ZC3H13: variants seen among roughly 807,000 people sequenced by gnomAD.
ZC3H13 encodes zinc finger CCCH domain-containing protein 13.
A neutral mutation model predicts 204.1 loss-of-function variants in ZC3H13; 64 were observed. The ratio of observed to expected loss-of-function variants is 0.31; its 90% confidence interval spans 0.26 to 0.39. The LOEUF is 0.39. Ranked by LOEUF, ZC3H13 falls within the 10% of genes least tolerant of loss-of-function variation. The pLI, the probability that ZC3H13 is intolerant of heterozygous loss-of-function variation, is 1.00. For missense variants in ZC3H13, 1,833 were observed against 2,082.7 expected (o/e 0.88, Z 2.33); for synonymous variants, 667 against 693.7 (o/e 0.96, Z 0.60).
rs777308536 is a variant in ZC3H13, at chr13:45,985,362, C to T, written c.1655G>A (p.Arg552Gln). The T allele has an allele frequency of 3.1e-6, 5 of 1,614,182 alleles. No homozygotes were observed. The highest frequency in any genetic ancestry group is 2.2e-5 in the East Asian group (1 of 44,886). The change falls in exon 10 of 19, where the codon CGA becomes CAA. Residue 552 changes from arginine (R) to glutamine (Q), a missense_variant. Transcript: ENST00000679008. Reference protein sequence around the residue: ...EIRNESRNESRSEIRNDRMGR... With the variant: ...EIRNESRNESQSEIRNDRMGR... ...CATTCGGTCATTTCTAATTTCACTT[C>T]GAGACTCATTTCTGGACTCATTCCT...
chr13:46,001,318 A>T (rs1353775780), intron 8 of ZC3H13: 1 of 152,108 alleles, frequency 6.6e-6, no homozygotes, highest in African/African-American at 2.4e-5. Context: ...TAACAGCCCC[A>T]CCTAAGAACC....
intron 12 of ZC3H13, 44 bp from the exon 13 acceptor site, chr13:45,970,509 A>G: frequency 6.4e-7 from 1 of 1,559,402 alleles, no homozygotes; most frequent in Non-Finnish European, 8.7e-7. Flanking sequence ...TCTAGGGGGC[A>G]AAAAAAGAGA....
At chr13:46,015,283 C>T (rs1243410386) in intron 5 of ZC3H13, among the ~76,000 whole-genome samples, 1 of 152,110 alleles carries the variant, frequency 6.6e-6, no homozygotes, top group East Asian at 1.9e-4. Flanking sequence ...TCTATTTCTC[C>T]TGTGAGTTAC....
Position 45,968,811 on chromosome 13 carries a change from C to T in ZC3H13, c.3733G>A (p.Gly1245Arg). The T allele has an allele frequency of 1.2e-6, 2 of 1,613,720 alleles. No homozygotes were observed. The highest frequency in any genetic ancestry group is 2.2e-5 in the East Asian group (1 of 44,876). Residue 1245 changes from glycine to arginine, a missense_variant, in exon 14 of 19, where the codon GGA (glycine) becomes AGA (arginine). Physicochemically the swap from Gly to Arg is moderately radical, Grantham distance 125. Transcript: ENST00000679008. ...TGATCAATCCTAGATTTTCTCTCTC[C>T]TGTGATTTCCAGGCTTTTTGTTTTT... ...REKTKSLEIT[G>R]ERKSRIDQLK...
intron 4 of ZC3H13, among the ~76,000 whole-genome samples, chr13:46,034,948 T>C (rs893485456): frequency 2.0e-5 from 3 of 152,150 alleles, no homozygotes; most frequent in Admixed American, 6.5e-5. Flanking sequence ...CGCATATATT[T>C]ATTTGCTCTG....
At chr13:46,050,225 G>A (rs577974473) in intron 1 of ZC3H13, among the ~76,000 whole-genome samples, 3 of 151,944 alleles carry the variant, frequency 2.0e-5, no homozygotes, top group African/African-American at 4.8e-5. Context: ...CCCTTGCCCC[G>A]AGAAACTTAG....
intron 5 of ZC3H13, 87 bp downstream of exon 5, chr13:46,020,353 GAGGGATCAC>G: frequency 1.2e-6 from 1 of 863,510 alleles, no homozygotes; most frequent in South Asian, 1.5e-5. Flanking sequence ...TCTGAAACGA[GAGGGATCAC>G]AGTCGAAAGG....
chr13:45,967,564 G>A lies in ZC3H13; in HGVS notation c.4261C>T (p.Leu1421=). The A allele has an allele frequency of 2.5e-6, 4 of 1,609,422 alleles. No individual in the cohort carries two copies. The highest frequency in any genetic ancestry group is 3.4e-6 in the Non-Finnish European group (4 of 1,178,010). The part of the protein sequence containing the change: ...ALDKERMDKD[L]GSVQGFEETN... ...TCTTCAAATCCCTGCACAGATCCCA[G>A]ATCTTTATCCATTCTCTCTTTATCC... Residue 1421 remains leucine, a synonymous_variant, in exon 15 of 19, where the codon CTG becomes TTG. Coordinates refer to ENST00000679008, the MANE Select transcript of ZC3H13 (RefSeq NM_001330564.2).
Position 45,991,677 on chromosome 13 carries a change from A to G in ZC3H13, c.945-2580T>C, listed in dbSNP as rs1429941888. Reference sequence around the variant, plus strand: ...AGTGAAACTTGAAATTCAAATAAAGAAAAAAGGAAAGTTTATTTAATGAAG... The same window carrying G: ...AGTGAAACTTGAAATTCAAATAAAGGAAAAAGGAAAGTTTATTTAATGAAG... On this transcript the variant is annotated intron_variant, in intron 8 of 18. Transcript: ENST00000679008. Among the ~76,000 whole-genome samples, 6 of 152,210 alleles carry G rather than the reference A, an allele frequency of 3.9e-5. 1 individual carries two copies.
intron 8 of ZC3H13, among the ~76,000 whole-genome samples, chr13:45,999,177 G>A (rs973860338): frequency 1.3e-5 from 2 of 152,238 alleles, no homozygotes; most frequent in African/African-American, 2.4e-5. Context: ...GATGGGAGGC[G>A]GAGGCTACAA....
intron 4 of ZC3H13, among the ~76,000 whole-genome samples, chr13:46,031,231 A>AAAAT (rs1186046664): frequency 3.3e-5 from 5 of 152,102 alleles, no homozygotes; most frequent in African/African-American, 7.2e-5. Context: ...AAATGCAAAA[A>AAAAT]AAATAAATAA....
chr13:45,975,214 G>A, intron 12 of ZC3H13, 69 bp downstream of exon 12: 1 of 1,537,276 alleles, frequency 6.5e-7, no homozygotes, highest in Non-Finnish European at 8.7e-7. Flanking sequence ...ATATTGAAAA[G>A]CATTAAATGA....
intron 4 of ZC3H13, among the ~76,000 whole-genome samples, chr13:46,028,304 C>T (rs1330395486): frequency 6.6e-6 from 1 of 152,062 alleles, no homozygotes; most frequent in Admixed American, 6.6e-5. Context: ...TATGACCCTA[C>T]CATCAAAGCA....
intron 8 of ZC3H13, among the ~76,000 whole-genome samples, chr13:45,989,772 CAT>C (rs1215828373): frequency 6.9e-6 from 1 of 145,654 alleles, no homozygotes; most frequent in African/African-American, 2.6e-5. Context: ...AGAAACAACA[CAT>C]AACCTCATGA....
At chr13:46,052,264 G>C (rs953900898) in intron 1 of ZC3H13, 140 bp downstream of exon 1, 1 of 344,396 alleles carries the variant, frequency 2.9e-6, no homozygotes, top group African/African-American at 2.1e-5. Flanking sequence ...GGCTATTGCA[G>C]AGTTAAGGGT....
At position 46,003,317 on chromosome 13, in the gene ZC3H13, TTTGG is replaced by T; in HGVS notation, c.762_765del (p.Asn254LysfsTer32). ...GGAGTACGTGGTCCTTTCTTTTTAC[TTTGG>T]TTGGTTTTTGAATTTCTGAAGGTAA... On this transcript the variant is annotated frameshift_variant, in exon 8 of 19. Coordinates refer to ENST00000679008, the MANE Select transcript of ZC3H13 (RefSeq NM_001330564.2). LOFTEE classifies it high-confidence loss of function. 6.2e-7 allele frequency: 1 copy of T among 1,607,158 alleles called. No homozygotes were observed. Among genetic ancestry groups the T allele is most frequent in the Non-Finnish European group, 8.5e-7 (1 of 1,178,526 alleles).
chr13:46,043,103 C>T (rs902775098), intron 3 of ZC3H13, among the ~76,000 whole-genome samples: 3 of 151,892 alleles, frequency 2.0e-5, no homozygotes, highest in African/African-American at 7.2e-5. Context: ...ACTATTTCTA[C>T]AACACCTTTA....
intron 5 of ZC3H13, among the ~76,000 whole-genome samples, chr13:46,014,908 T>C (rs1247856534): frequency 5.3e-5 from 8 of 152,196 alleles, no homozygotes; most frequent in Admixed American, 1.3e-4. Context: ...GCAAAGCATT[T>C]CATTAATATG....
rs145011979 is a variant in ZC3H13, at chr13:46,000,364, C to T, written c.944+2775G>A. Among the ~76,000 whole-genome samples, 7 of 152,318 alleles carry T rather than the reference C, an allele frequency of 4.6e-5. No homozygotes were observed. In the East Asian group the frequency reaches 9.7e-4, roughly 21 times the overall value. ...TATCTAGATCTTCCGGATAACTTGCCGCTGCTTCTTCATCAGCATGTGCTG... is the reference window on the plus strand; with the variant it reads ...TATCTAGATCTTCCGGATAACTTGCTGCTGCTTCTTCATCAGCATGTGCTG... On this transcript the variant is annotated intron_variant, in intron 8 of 18. Coordinates refer to ENST00000679008, the MANE Select transcript of ZC3H13 (RefSeq NM_001330564.2).
Sources: allele counts gnomAD v4.1 joint callset (sites outside exome capture counted in the v4.1 genomes callset), GRCh38; gene constraint gnomAD v4.1.1; transcripts MANE v1.5; gene names NCBI Gene and HGNC (gene_info 2026-07-23, HGNC 2026-07-21).